Variants in ABCC6 observed in about 807,000 individuals in gnomAD.
ABCC6 encodes the protein ATP binding cassette subfamily C member 6.
A neutral mutation model predicts 169.5 loss-of-function variants in ABCC6; 126 were observed. The ratio of observed to expected loss-of-function variants is 0.74; its 90% CI spans 0.64 to 0.86. The LOEUF (loss-of-function observed/expected upper bound fraction) is 0.86, where lower values mean the gene tolerates loss of function less well. Among genes scored for constraint, ABCC6 ranks in the 40% least tolerant of loss-of-function variants. The pLI is 0.00. For missense variants in ABCC6, 1,733 were observed against 1,927.2 expected, an observed-to-expected ratio of 0.90 and a Z score of 1.89; for synonymous variants, 752 against 814.7, an observed-to-expected ratio of 0.92 and a Z score of 1.31.
At chr16:16,177,719 G>A (rs2047329398) in intron 18 of ABCC6, 93 bp from the exon 19 acceptor site, 1 of 1,489,890 alleles carries the variant, frequency 6.7e-7, no homozygotes, top group Non-Finnish European at 9.3e-7. Context: ...AAAGCATGTG[G>A]ATCACTTGAG....
chr16:16,217,863 G>A (rs1287826633), intron 4 of ABCC6, among the ~76,000 whole-genome samples: 1 of 152,252 alleles, frequency 6.6e-6, no homozygotes, highest in Non-Finnish European at 1.5e-5. Context: ...GCCGAGGCGG[G>A]TGAGTCACTT....
At position 16,198,065 on chromosome 16, in the gene ABCC6, G is replaced by A. The variant is rs1455237890; in HGVS notation, c.1294C>T (p.Leu432=). 3 of 1,614,122 alleles carry A rather than the reference G, an allele frequency of 1.9e-6. No homozygotes were observed. The South Asian group carries it at 3.3e-5, about 18-fold the overall frequency. ...ESVLYLNGLW[L]PLVWIVVCFV... ...CAGACCACGATCCAGACGAGAGGCA[G>A]CCACAGCCCGTTGAGGTAGAGGACG... is the stretch of plus-strand genomic sequence containing the variant. Residue 432 remains leucine, a synonymous_variant, in exon 10 of 31, where the codon CTG becomes TTG. Transcript: ENST00000205557.
At chr16:16,171,792 G>A (rs1236945111) in intron 21 of ABCC6, among the ~76,000 whole-genome samples, 2 of 151,904 alleles carry the variant, frequency 1.3e-5, no homozygotes, top group African/African-American at 4.8e-5. Context: ...ATGAGTGGAT[G>A]GGATGGACAG....
intron 10 of ABCC6, among the ~76,000 whole-genome samples, chr16:16,194,117 C>G (rs1259452464): frequency 2.6e-5 from 4 of 152,258 alleles, no homozygotes; most frequent in African/African-American, 9.6e-5. Flanking sequence ...GGACCTGGTT[C>G]AAATCCTGAC....
At chr16:16,157,841 G>C (rs1339854588) in intron 26 of ABCC6, 32 bp from the exon 27 acceptor site, 2 of 1,599,944 alleles carry the variant, frequency 1.3e-6, no homozygotes, top group Non-Finnish European at 1.7e-6. Context: ...AGTCAGAGGA[G>C]CCTTCCTCTA....
intron 6 of ABCC6, among the ~76,000 whole-genome samples, chr16:16,210,033 A>G (rs1252630137): frequency 6.6e-6 from 1 of 151,414 alleles, no homozygotes; most frequent in Non-Finnish European, 1.5e-5. Context: ...GCCTGGCCTC[A>G]GGTCTCTTTA....
At chr16:16,161,661 A>T in intron 24 of ABCC6, 97 bp from the exon 25 acceptor site, 1 of 1,540,236 alleles carries the variant, frequency 6.5e-7, no homozygotes, top group East Asian at 2.3e-5. Context: ...AGCTTTGTAC[A>T]CACAGGGGTC....
chr16:16,174,760 A>C (rs116002649), intron 20 of ABCC6, among the ~76,000 whole-genome samples: 26,434 of 91,544 alleles, frequency 0.29, 5,588 homozygotes, highest in South Asian at 0.52. Flanking sequence ...CTGTCTCAAA[A>C]CCCCCCCCCG....
intron 24 of ABCC6, among the ~76,000 whole-genome samples, chr16:16,162,017 C>T (rs567265380): frequency 3.6e-4 from 54 of 152,080 alleles, no homozygotes; most frequent in Non-Finnish European, 5.0e-4. Context: ...GATCATATGG[C>T]GTAAAAGGAT....
intron 21 of ABCC6, among the ~76,000 whole-genome samples, chr16:16,170,912 T>A (rs1408200204): frequency 1.4e-5 from 1 of 72,684 alleles, no homozygotes; most frequent in Non-Finnish European, 2.4e-5. Flanking sequence ...AGAGTGAAAC[T>A]CTGTCTCAAA....
intron 25 of ABCC6, among the ~76,000 whole-genome samples, chr16:16,160,783 C>A (rs528173647): frequency 6.6e-6 from 1 of 152,002 alleles, no homozygotes; most frequent in Admixed American, 6.6e-5. Context: ...CAAGCCTAGG[C>A]AACAAAATGA....
intron 22 of ABCC6, 91 bp downstream of exon 22, chr16:16,169,555 G>C (rs1338611841): frequency 6.9e-7 from 1 of 1,452,044 alleles, no homozygotes; most frequent in African/African-American, 1.4e-5. Context: ...CAGGGGGACA[G>C]GGTGACCCAG....
At chr16:16,207,844 A>G (rs2048442618) in intron 7 of ABCC6, among the ~76,000 whole-genome samples, 1 of 151,060 alleles carries the variant, frequency 6.6e-6, no homozygotes, top group African/African-American at 2.4e-5. Flanking sequence ...GTTTCCAGAG[A>G]TGCCACTGAG....
At chr16:16,198,928 A>C (rs1037895797) in intron 9 of ABCC6, among the ~76,000 whole-genome samples, 1 of 151,870 alleles carries the variant, frequency 6.6e-6, no homozygotes, top group Non-Finnish European at 1.5e-5. Flanking sequence ...CAGGAGGCAG[A>C]GGTTGCAGTG....
chr16:16,192,453 G>C (rs2047893668), intron 11 of ABCC6, among the ~76,000 whole-genome samples: 1 of 152,178 alleles, frequency 6.6e-6, no homozygotes, highest in Admixed American at 6.5e-5. Context: ...GGCAGAGGCG[G>C]GGAGTGAGCC....
chr16:16,154,604 C>T, intron 29 of ABCC6, 24 bp downstream of exon 29: 3 of 1,611,394 alleles, frequency 1.9e-6, no homozygotes, highest in Non-Finnish European at 2.5e-6. Flanking sequence ...CCTGCAGGTC[C>T]CAGCCATGGT....
chr16:16,215,115 C>T (rs538647706), intron 4 of ABCC6, among the ~76,000 whole-genome samples: 2 of 152,316 alleles, frequency 1.3e-5, no homozygotes, highest in East Asian at 1.9e-4. Flanking sequence ...CAACCCTGCT[C>T]CCCCTTGGCC....
At chr16:16,181,125 G>A (rs2047454197) in intron 17 of ABCC6, among the ~76,000 whole-genome samples, 1 of 152,044 alleles carries the variant, frequency 6.6e-6, no homozygotes, top group Non-Finnish European at 1.5e-5. Flanking sequence ...CCAACATGGT[G>A]AAACCCCATC....
intron 21 of ABCC6, among the ~76,000 whole-genome samples, chr16:16,172,805 G>A (rs2047158257): frequency 6.6e-6 from 1 of 152,128 alleles, no homozygotes; most frequent in South Asian, 2.1e-4. Context: ...CACTTTGGGA[G>A]GCAGAGGCCA....
Sources: allele counts gnomAD v4.1 joint callset (sites outside exome capture counted in the v4.1 genomes callset), GRCh38; gene constraint gnomAD v4.1.1; transcripts MANE v1.5; gene names NCBI Gene and HGNC (gene_info 2026-07-23, HGNC 2026-07-21).